Variants in KCNC2 observed in about 807,000 individuals in gnomAD.
KCNC2 encodes potassium voltage-gated channel subfamily C member 2.
In KCNC2, 21 loss-of-function variants were observed where a neutral mutation model predicts 44.5. The ratio of observed to expected loss-of-function variants is 0.47; its 90% CI spans 0.33 to 0.68. The LOEUF is 0.68. KCNC2 is among the 30% of genes least tolerant of loss of function. The pLI, the probability that KCNC2 is intolerant of heterozygous loss-of-function variation, is 0.01. For synonymous variants in KCNC2, 391 were observed against 339.1 expected (o/e 1.15, Z -1.68); for missense variants, 589 against 826.2 (o/e 0.71, Z 3.52).
intron 2 of KCNC2, among the ~76,000 whole-genome samples, chr12:75,200,202 A>G (rs1023398758): frequency 6.6e-6 from 1 of 151,878 alleles, no homozygotes; most frequent in Non-Finnish European, 1.5e-5. Context: ...AGTGTTAAAC[A>G]CAGTATAAAC....
intron 2 of KCNC2, among the ~76,000 whole-genome samples, chr12:75,068,291 G>C (rs1217720240): frequency 1.3e-4 from 20 of 152,146 alleles, no homozygotes; most frequent in Admixed American, 1.3e-3. Flanking sequence ...TGACAAAATC[G>C]GTCTATGTTT....
At chr12:75,096,918 G>A (rs376760791) in intron 2 of KCNC2, among the ~76,000 whole-genome samples, 3 of 151,934 alleles carry the variant, frequency 2.0e-5, no homozygotes, top group African/African-American at 7.2e-5. Flanking sequence ...TTTTTAAAAA[G>A]GAATGAGATA....
At chr12:75,160,642 G>C (rs2137522258) in intron 2 of KCNC2, among the ~76,000 whole-genome samples, 1 of 151,950 alleles carries the variant, frequency 6.6e-6, no homozygotes, top group Non-Finnish European at 1.5e-5. Context: ...GTAAAAAGAT[G>C]AAGGCGGTTT....
At chr12:75,096,885 T>C (rs1294424222) in intron 2 of KCNC2, among the ~76,000 whole-genome samples, 1 of 152,072 alleles carries the variant, frequency 6.6e-6, no homozygotes, top group Non-Finnish European at 1.5e-5. Flanking sequence ...TCATGAGGAA[T>C]AGTTTAATTT....
chr12:75,152,227 G>A (rs1335994338), intron 2 of KCNC2, among the ~76,000 whole-genome samples: 1 of 149,026 alleles, frequency 6.7e-6, no homozygotes, highest in Non-Finnish European at 1.5e-5. Flanking sequence ...CAAATCCCAA[G>A]CAGAATTAAT....
chr12:75,137,146 C>G (rs931886853), intron 2 of KCNC2, among the ~76,000 whole-genome samples: 4 of 152,080 alleles, frequency 2.6e-5, no homozygotes, highest in African/African-American at 9.7e-5. Flanking sequence ...CTCTTTGGCC[C>G]TCAAAATACT....
Position 75,041,626 on chromosome 12 carries a change from T to C in KCNC2, c.*1479A>G. 9.8e-7 allele frequency: 1 copy of C among 1,021,314 alleles called. No homozygotes were observed. The allele number at this position is 1,021,314 out of a possible 1,614,324, so 63.3% of individuals were successfully genotyped here. A position where few individuals can be genotyped will look rare whatever the true frequency, so the allele number is the denominator to read the frequency against. Reference sequence around the variant, plus strand: ...ATAGGAATGCATAAATAGACTTTCTTCCACTCAGACTGAATATGACTCCCT... The same window carrying C: ...ATAGGAATGCATAAATAGACTTTCTCCCACTCAGACTGAATATGACTCCCT... On this transcript the variant is annotated 3_prime_UTR_variant, in exon 5 of 5. Transcript: ENST00000549446.
intron 2 of KCNC2, among the ~76,000 whole-genome samples, chr12:75,099,648 T>C (rs1337812881): frequency 6.6e-6 from 1 of 152,324 alleles, no homozygotes; most frequent in East Asian, 1.9e-4. Flanking sequence ...GAATGATCAA[T>C]CATTTGAGGG....
chr12:75,107,683 G>C (rs1244613093), intron 2 of KCNC2, among the ~76,000 whole-genome samples: 2 of 148,526 alleles, frequency 1.3e-5, no homozygotes, highest in Non-Finnish European at 3.0e-5. Context: ...AACGTCAAAA[G>C]AGTAAAAGGA....
chr12:75,057,576 A>G (rs1448872447), intron 2 of KCNC2, among the ~76,000 whole-genome samples: 1 of 152,036 alleles, frequency 6.6e-6, no homozygotes, highest in Non-Finnish European at 1.5e-5. Context: ...ACCACTATAC[A>G]CAATTACCAA....
chr12:75,184,967 A>G (rs1188472770), intron 2 of KCNC2, among the ~76,000 whole-genome samples: 1 of 152,220 alleles, frequency 6.6e-6, no homozygotes, highest in Non-Finnish European at 1.5e-5. Context: ...GTATGTAAGT[A>G]TTCATTTGTG....
intron 2 of KCNC2, among the ~76,000 whole-genome samples, chr12:75,097,779 T>C (rs1034594734): frequency 1.3e-5 from 2 of 152,100 alleles, no homozygotes; most frequent in African/African-American, 2.4e-5. Flanking sequence ...TATCAGCTTT[T>C]TGACTTTGGG....
intron 2 of KCNC2, among the ~76,000 whole-genome samples, chr12:75,191,771 G>A (rs1378378325): frequency 6.7e-6 from 1 of 149,788 alleles, no homozygotes; most frequent in Non-Finnish European, 1.5e-5. Context: ...GGATGGTCTC[G>A]ATCTCCTGAC....
intron 2 of KCNC2, among the ~76,000 whole-genome samples, chr12:75,117,479 G>A (rs2137269904): frequency 6.6e-6 from 1 of 152,132 alleles, no homozygotes; most frequent in East Asian, 1.9e-4. Context: ...TCCAATAAAT[G>A]GCTTTATAGT....
chr12:75,111,929 A>G (rs971124987), intron 2 of KCNC2, among the ~76,000 whole-genome samples: 2 of 152,214 alleles, frequency 1.3e-5, no homozygotes, highest in Non-Finnish European at 1.5e-5. Flanking sequence ...AAATATTCTC[A>G]TTGATTAAGA....
At chr12:75,176,184 AG>A (rs1565664873) in intron 2 of KCNC2, among the ~76,000 whole-genome samples, 1 of 152,066 alleles carries the variant, frequency 6.6e-6, no homozygotes, top group African/African-American at 2.4e-5. Context: ...CTGTACATTT[AG>A]CTATTTCCTA....
intron 2 of KCNC2, among the ~76,000 whole-genome samples, chr12:75,171,082 T>C (rs1891786795): frequency 6.6e-6 from 1 of 151,770 alleles, no homozygotes; most frequent in Non-Finnish European, 1.5e-5. Context: ...CAGGGGATCT[T>C]ACTAAATTTG....
intron 2 of KCNC2, among the ~76,000 whole-genome samples, chr12:75,092,317 G>C (rs1012789644): frequency 4.0e-5 from 6 of 151,622 alleles, no homozygotes; most frequent in Non-Finnish European, 5.9e-5. Context: ...TTTAGAAGTA[G>C]AGAATATCAG....
At chr12:75,067,356 G>C (rs1882934379) in intron 2 of KCNC2, among the ~76,000 whole-genome samples, 1 of 152,130 alleles carries the variant, frequency 6.6e-6, no homozygotes, top group South Asian at 2.1e-4. Context: ...CAAACAAGTA[G>C]ATAGATCAAT....
Sources: gnomAD v4.1 joint callset for allele counts (sites outside exome capture counted in the v4.1 genomes callset) on GRCh38, gnomAD v4.1.1 for gene constraint, MANE v1.5 for transcripts, NCBI Gene and HGNC (gene_info 2026-07-23, HGNC 2026-07-21) for gene names.